INPP4B: variants seen among roughly 807,000 people sequenced by gnomAD.
INPP4B encodes inositol polyphosphate-4-phosphatase type II B.
In INPP4B, 55 loss-of-function variants were observed where a neutral mutation model predicts 122.5. That is an observed-to-expected ratio of 0.45 (90% CI 0.36 to 0.56). INPP4B has a LOEUF of 0.56. Ranked by LOEUF, INPP4B falls within the 20% of genes least tolerant of loss-of-function variation. The pLI is 0.00. For synonymous variants in INPP4B, 403 were observed against 388.7 expected, an observed-to-expected ratio of 1.04 and a Z score of -0.43; for missense variants, 1,000 against 1,097.7, an observed-to-expected ratio of 0.91 and a Z score of 1.26.
Position 142,705,888 on chromosome 4 carries a change from T to G in INPP4B, c.-191+19951A>C, listed in dbSNP as rs557175963. On this transcript the variant is annotated intron_variant, in intron 2 of 25. Transcript: ENST00000262992. ...CAGCCTTACTCCTTGGTATCTATTC[T>G]CCACAGTGCAACCTGGGTGATTGTC... 1.4e-4 allele frequency among the ~76,000 whole-genome samples: 22 copies of G among 152,336 alleles called. No homozygotes were observed. The South Asian group carries it at 3.7e-3, about 26-fold the overall frequency.
chr4:142,041,559 A>G (rs558590902), intron 25 of INPP4B, among the ~76,000 whole-genome samples: 3 of 152,222 alleles, frequency 2.0e-5, no homozygotes, highest in East Asian at 3.9e-4. Context: ...CGGAGGTTGC[A>G]GTGAGCCGAG....
chr4:142,828,458 T>C (rs949544572), intron 1 of INPP4B, among the ~76,000 whole-genome samples: 2 of 152,200 alleles, frequency 1.3e-5, no homozygotes, highest in Admixed American at 6.6e-5. Context: ...TCTAAAATAC[T>C]GTACATATAA....
At chr4:142,610,645 G>C (rs953228716) in intron 2 of INPP4B, among the ~76,000 whole-genome samples, 10 of 152,238 alleles carry the variant, frequency 6.6e-5, no homozygotes, top group African/African-American at 2.2e-4. Context: ...TGTGGTATTA[G>C]AAAAACTGCA....
intron 25 of INPP4B, among the ~76,000 whole-genome samples, chr4:142,045,097 A>G (rs796707650): frequency 1.1e-4 from 17 of 152,272 alleles, no homozygotes; most frequent in African/African-American, 3.8e-4. Context: ...CTGTGCTGCT[A>G]AGTGTGTTTG....
chr4:142,558,869 C>T (rs903921908), intron 2 of INPP4B, among the ~76,000 whole-genome samples: 4 of 147,112 alleles, frequency 2.7e-5, no homozygotes, highest in African/African-American at 7.5e-5. Flanking sequence ...TGTCCTTGAT[C>T]GCCTGTCAGG....
At chr4:142,204,894 G>A (rs1397292676) in intron 14 of INPP4B, among the ~76,000 whole-genome samples, 3 of 151,998 alleles carry the variant, frequency 2.0e-5, no homozygotes, top group African/African-American at 7.2e-5. Flanking sequence ...AATAAGTTTG[G>A]CTATTTTAGC....
intron 12 of INPP4B, among the ~76,000 whole-genome samples, chr4:142,220,937 C>T (rs1207520530): frequency 6.6e-6 from 1 of 152,128 alleles, no homozygotes; most frequent in Non-Finnish European, 1.5e-5. Flanking sequence ...CTAATGGCCT[C>T]TCTTTAAGCT....
At chr4:142,748,402 G>T (rs1253162348) in intron 1 of INPP4B, among the ~76,000 whole-genome samples, 4 of 151,752 alleles carry the variant, frequency 2.6e-5, no homozygotes, top group Non-Finnish European at 5.9e-5. Context: ...AGAAGCCAAA[G>T]AATTAAATAG....
intron 15 of INPP4B, among the ~76,000 whole-genome samples, chr4:142,180,120 T>G (rs1464937507): frequency 2.0e-5 from 3 of 152,188 alleles, no homozygotes; most frequent in African/African-American, 7.2e-5. Context: ...GAGACTTTTT[T>G]GGGGTGACAA....
chr4:142,839,056 C>CTATATACTATACCTTACTAAAGGTA (rs1473748019), intron 1 of INPP4B, among the ~76,000 whole-genome samples: 3 of 152,176 alleles, frequency 2.0e-5, no homozygotes, highest in Non-Finnish European at 4.4e-5. Context: ...TTATAGCTTA[C>CTATATACTATACCTTACTAAAGGTA]TATATGTCAT....
intron 1 of INPP4B, chr4:142,766,142 AT>A (rs1187310946): frequency 6.6e-6 from 1 of 152,138 alleles, no homozygotes; most frequent in Non-Finnish European, 1.5e-5. Flanking sequence ...TGTTCTCATT[AT>A]GTTAAATTTT....
At chr4:142,689,698 T>C (rs1449018422) in intron 2 of INPP4B, among the ~76,000 whole-genome samples, 1 of 152,192 alleles carries the variant, frequency 6.6e-6, no homozygotes, top group Non-Finnish European at 1.5e-5. Flanking sequence ...CCTAAATGGA[T>C]GGTATAAAAT....
At chr4:142,532,115 G>T (rs1407410700) in intron 2 of INPP4B, among the ~76,000 whole-genome samples, 1 of 152,102 alleles carries the variant, frequency 6.6e-6, no homozygotes, top group South Asian at 2.1e-4. Context: ...GTAGTAGGAA[G>T]GATCCTCTTA....
chr4:142,797,929 C>T (rs6845583), intron 1 of INPP4B, among the ~76,000 whole-genome samples: 59,473 of 151,600 alleles, frequency 0.39, 12,041 homozygotes, highest in South Asian at 0.48. Flanking sequence ...AAGGGAAAGA[C>T]ACAAGAAATA....
At chr4:142,415,358 G>A (rs1295048359) in intron 5 of INPP4B, among the ~76,000 whole-genome samples, 4 of 152,088 alleles carry the variant, frequency 2.6e-5, no homozygotes, top group African/African-American at 7.2e-5. Context: ...GCTGGACTCC[G>A]AGTGAATGCA....
chr4:142,823,625 A>ATT (rs1329930069), intron 1 of INPP4B, among the ~76,000 whole-genome samples: 1 of 152,166 alleles, frequency 6.6e-6, no homozygotes, highest in African/African-American at 2.4e-5. Flanking sequence ...GTCATTAAAT[A>ATT]TTTTGTCTTC....
At chr4:142,650,373 C>T (rs1460656522) in intron 2 of INPP4B, among the ~76,000 whole-genome samples, 1 of 152,030 alleles carries the variant, frequency 6.6e-6, no homozygotes, top group Non-Finnish European at 1.5e-5. Context: ...ACAATATTAA[C>T]CTTAAATGTA....
At chr4:142,588,160 T>G (rs1437483082) in intron 2 of INPP4B, among the ~76,000 whole-genome samples, 3 of 151,936 alleles carry the variant, frequency 2.0e-5, no homozygotes, top group African/African-American at 7.2e-5. Flanking sequence ...GAGAAGAATT[T>G]ATTTAACTTA....
chr4:142,220,157 C>CCTAGGAATTCAAAGGAATTCCTAGG (rs1164231116), intron 12 of INPP4B, among the ~76,000 whole-genome samples: 18 of 152,148 alleles, frequency 1.2e-4, no homozygotes, highest in Non-Finnish European at 1.8e-4. Flanking sequence ...GACATGTACT[C>CCTAGGAATTCAAAGGAATTCCTAGG]ACTTCCTAGG....
Sources: gnomAD v4.1 joint callset for allele counts (sites outside exome capture counted in the v4.1 genomes callset) on GRCh38, gnomAD v4.1.1 for gene constraint, MANE v1.5 for transcripts, NCBI Gene and HGNC (gene_info 2026-07-23, HGNC 2026-07-21) for gene names.